Variants in PLPPR1 observed in about 807,000 individuals in gnomAD.
PLPPR1 encodes phospholipid phosphatase related 1.
PLPPR1 carries 10 observed loss-of-function variants against 33.1 expected under a neutral mutation model. The observed-to-expected ratio is 0.30, with a 90% CI of 0.19 to 0.51. PLPPR1 has a LOEUF of 0.51. Among genes scored for constraint, PLPPR1 ranks in the 20% least tolerant of loss-of-function variants. The pLI is 0.97. For missense variants in PLPPR1, 304 were observed against 408.1 expected, an observed-to-expected ratio of 0.74 and a Z score of 2.20; for synonymous variants, 151 against 151.0, an observed-to-expected ratio of 1.00 and a Z score of 0.00.
In PLPPR1 at chr9:101,175,615, T is replaced by C. The variant is rs117657878; in HGVS notation, c.-45-9835T>C. Among the ~76,000 whole-genome samples, 1,512 of 152,288 alleles carry C rather than the reference T, an allele frequency of 9.9e-3. 13 individuals are homozygous for C. The highest frequency in any genetic ancestry group is 0.014 in the Middle Eastern group (4 of 294). ...TCTCTTCTTGATATCTGTTAGCCCA[T>C]AGAATACAGGGTATTTGACTAGCTT... On this transcript the variant is annotated intron_variant, in intron 1 of 7. Transcript: ENST00000374874.
At chr9:101,164,365 CTTTT>C (rs66835142) in intron 1 of PLPPR1, among the ~76,000 whole-genome samples, 1 of 133,518 alleles carries the variant, frequency 7.5e-6, no homozygotes, top group African/African-American at 3.0e-5. Flanking sequence ...CTTTTCTTTT[CTTTT>C]TTTTTTTTTC....
intron 1 of PLPPR1, among the ~76,000 whole-genome samples, chr9:101,135,659 T>G (rs1021635696): frequency 6.6e-6 from 1 of 152,204 alleles, no homozygotes; most frequent in African/African-American, 2.4e-5. Flanking sequence ...ATTATGTTGG[T>G]CATTAGAGTA....
intron 1 of PLPPR1, among the ~76,000 whole-genome samples, chr9:101,108,887 A>G (rs1467427741): frequency 6.6e-6 from 1 of 151,962 alleles, no homozygotes; most frequent in East Asian, 1.9e-4. Flanking sequence ...TTTTCAGTTT[A>G]TCAATATTAT....
chr9:101,259,933 G>T (rs977752321), intron 2 of PLPPR1, among the ~76,000 whole-genome samples: 1 of 152,152 alleles, frequency 6.6e-6, no homozygotes, highest in Non-Finnish European at 1.5e-5. Context: ...TGTCCACAAG[G>T]CAATTCCTTG....
At chr9:101,226,115 C>A (rs1017271897) in intron 2 of PLPPR1, among the ~76,000 whole-genome samples, 11 of 152,166 alleles carry the variant, frequency 7.2e-5, no homozygotes, top group African/African-American at 2.7e-4. Context: ...ACCCTCCTGA[C>A]ATGATGGTTT....
At chr9:101,181,768 A>G (rs1826118042) in intron 1 of PLPPR1, among the ~76,000 whole-genome samples, 1 of 148,544 alleles carries the variant, frequency 6.7e-6, no homozygotes, top group Admixed American at 6.8e-5. Context: ...ACACATACAT[A>G]TATACACACA....
chr9:101,243,397 G>A (rs1827519745), intron 2 of PLPPR1, among the ~76,000 whole-genome samples: 1 of 151,882 alleles, frequency 6.6e-6, no homozygotes, highest in South Asian at 2.1e-4. Context: ...AAGTGATGAG[G>A]GCCTGAATTA....
chr9:101,247,600 T>G (rs887010888), intron 2 of PLPPR1, among the ~76,000 whole-genome samples: 7 of 152,082 alleles, frequency 4.6e-5, no homozygotes, highest in African/African-American at 1.7e-4. Context: ...AGTCTGGTAT[T>G]ACCATCTAGC....
rs576018186 is a variant in PLPPR1, at chr9:101,057,705, G to A, written c.-46+28603G>A. On this transcript the variant is annotated intron_variant, in intron 1 of 7. Transcript: ENST00000374874. ...TCACAGAGAAAGACACTGAGATTTA[G>A]AGATATTATCTTAGTAAATAAGAAG... Among the ~76,000 whole-genome samples the A allele has an allele frequency of 5.3e-5, 8 of 152,274 alleles. No homozygotes were observed. The South Asian group carries it at 6.2e-4, about 12-fold the overall frequency.
intron 1 of PLPPR1, among the ~76,000 whole-genome samples, chr9:101,156,178 A>G (rs796886072): frequency 2.0e-5 from 3 of 152,320 alleles, no homozygotes; most frequent in African/African-American, 7.2e-5. Flanking sequence ...AAAGTAGTAG[A>G]CTGTATACCA....
intron 1 of PLPPR1, among the ~76,000 whole-genome samples, chr9:101,183,007 G>A (rs1780779737): frequency 6.6e-6 from 1 of 151,772 alleles, no homozygotes; most frequent in Non-Finnish European, 1.5e-5. Context: ...GTCAATGACA[G>A]TGTGGAGAAA....
chr9:101,269,918 C>T lies in PLPPR1; in HGVS notation c.102C>T (p.Tyr34=), dbSNP rs201186334. 267 of 1,614,044 alleles carry T rather than the reference C, an allele frequency of 1.7e-4. No homozygotes were observed. Among genetic ancestry groups the T allele is most frequent in the Non-Finnish European group, 2.2e-4 (260 of 1,180,028 alleles). Residue 34 remains tyrosine (Y), a synonymous_variant, in exon 3 of 8, where the codon TAC becomes TAT. Transcript: ENST00000374874. ...IMAGTVLLAY[Y]FECTDTFQVH... is the part of the protein sequence containing the mutation. ...CTGGGACAGTGCTGCTTGCCTACTA[C>T]TTCGAATGCACTGACACTTTTCAGG...
intron 1 of PLPPR1, among the ~76,000 whole-genome samples, chr9:101,046,565 G>A (rs1048565070): frequency 6.7e-6 from 1 of 148,754 alleles, no homozygotes; most frequent in Non-Finnish European, 1.5e-5. Flanking sequence ...TCAGCCTCCC[G>A]AGTAGCTGGG....
At chr9:101,234,510 T>C (rs1032170191) in intron 2 of PLPPR1, among the ~76,000 whole-genome samples, 2 of 151,738 alleles carry the variant, frequency 1.3e-5, no homozygotes, top group Non-Finnish European at 2.9e-5. Flanking sequence ...ATCATGTCCT[T>C]AGGGTTTTAC....
chr9:101,195,189 T>G (rs1826374560), intron 2 of PLPPR1, among the ~76,000 whole-genome samples: 1 of 152,186 alleles, frequency 6.6e-6, no homozygotes, highest in South Asian at 2.1e-4. Flanking sequence ...TAGCTTCATA[T>G]TTAATTGATA....
chr9:101,181,717 C>CTATAT (rs1158180046), intron 1 of PLPPR1, among the ~76,000 whole-genome samples: 3 of 120,038 alleles, frequency 2.5e-5, no homozygotes, highest in African/African-American at 9.7e-5. Flanking sequence ...CACCAAATTA[C>CTATAT]TATTTGGGGG....
At chr9:101,263,533 C>T (rs544015054) in intron 2 of PLPPR1, among the ~76,000 whole-genome samples, 7 of 152,194 alleles carry the variant, frequency 4.6e-5, no homozygotes, top group South Asian at 4.2e-4. Context: ...TTTTGTGAGA[C>T]GATTATTAAC....
intron 7 of PLPPR1, among the ~76,000 whole-genome samples, chr9:101,319,962 T>C (rs188740368): frequency 7.9e-4 from 121 of 152,260 alleles, no homozygotes; most frequent in Non-Finnish European, 1.4e-3. Context: ...ATGACATCTG[T>C]CTAATGTCTT....
chr9:101,270,988 A>G (rs887132359), intron 3 of PLPPR1, among the ~76,000 whole-genome samples: 4 of 152,118 alleles, frequency 2.6e-5, no homozygotes, highest in African/African-American at 4.8e-5. Flanking sequence ...ATTCAGTTCG[A>G]ATATTAGTTT....
Sources: allele counts gnomAD v4.1 joint callset (sites outside exome capture counted in the v4.1 genomes callset), GRCh38; gene constraint gnomAD v4.1.1; transcripts MANE v1.5; gene names NCBI Gene and HGNC (gene_info 2026-07-23, HGNC 2026-07-21).